MAD1L1: variants seen among roughly 807,000 people sequenced by gnomAD.
MAD1L1 encodes the protein mitotic spindle assembly checkpoint protein MAD1.
MAD1L1 carries 95 observed loss-of-function variants against 96.9 expected under a neutral mutation model. The ratio of observed to expected loss-of-function variants is 0.98; its 90% CI spans 0.83 to 1.16. The LOEUF (loss-of-function observed/expected upper bound fraction) is 1.16. Among genes scored for constraint, MAD1L1 ranks in the 50% most tolerant of loss-of-function variants. MAD1L1 has a pLI of 0.00. For synonymous variants in MAD1L1, 473 were observed against 396.6 expected, an observed-to-expected ratio of 1.19 and a Z score of -2.29; for missense variants, 1,007 against 954.4, an observed-to-expected ratio of 1.06 and a Z score of -0.73.
intron 14 of MAD1L1, among the ~76,000 whole-genome samples, chr7:1,988,216 C>A (rs909218362): frequency 6.6e-6 from 1 of 152,156 alleles, no homozygotes; most frequent in African/African-American, 2.4e-5. Flanking sequence ...CCTGACATGG[C>A]GGAGGGCCCA....
intron 17 of MAD1L1, among the ~76,000 whole-genome samples, chr7:1,923,050 C>A (rs1788888176): frequency 6.6e-6 from 1 of 152,106 alleles, no homozygotes; most frequent in Non-Finnish European, 1.5e-5. Flanking sequence ...GGAAGTGCTC[C>A]CTCTTCTGTT....
intron 11 of MAD1L1, among the ~76,000 whole-genome samples, chr7:2,131,964 C>A (rs953852051): frequency 6.6e-6 from 1 of 152,196 alleles, no homozygotes; most frequent in African/African-American, 2.4e-5. Context: ...AATGGAAAGG[C>A]TGGTGAAAGA....
chr7:1,934,477 G>A (rs912318135), intron 17 of MAD1L1, among the ~76,000 whole-genome samples: 2 of 151,324 alleles, frequency 1.3e-5, no homozygotes, highest in Non-Finnish European at 2.9e-5. Context: ...ACAAACACAC[G>A]AGCGAACCCT....
intron 15 of MAD1L1, among the ~76,000 whole-genome samples, chr7:1,961,442 C>A (rs1340509873): frequency 6.6e-6 from 1 of 152,134 alleles, no homozygotes; most frequent in African/African-American, 2.4e-5. Context: ...CAAACACAAC[C>A]AATTTTTGAA....
chr7:2,043,676 G>C (rs557558808), intron 12 of MAD1L1, among the ~76,000 whole-genome samples: 45 of 152,350 alleles, frequency 3.0e-4, no homozygotes, highest in African/African-American at 8.9e-4. Flanking sequence ...CTGAGCGCCT[G>C]TTTCCCACCA....
chr7:1,917,890 A>G (rs1183146285), intron 17 of MAD1L1, among the ~76,000 whole-genome samples: 2 of 152,188 alleles, frequency 1.3e-5, no homozygotes, highest in Non-Finnish European at 1.5e-5. Context: ...CCCCCAGAGC[A>G]GCAAAGAGAA....
intron 11 of MAD1L1, among the ~76,000 whole-genome samples, chr7:2,098,775 G>A (rs1182657084): frequency 6.6e-6 from 1 of 152,192 alleles, no homozygotes; most frequent in African/African-American, 2.4e-5. Flanking sequence ...CACACCACAG[G>A]GCTCACACCA....
At chr7:1,975,684 G>A (rs1780604543) in intron 15 of MAD1L1, among the ~76,000 whole-genome samples, 1 of 152,200 alleles carries the variant, frequency 6.6e-6, no homozygotes, top group African/African-American at 2.4e-5. Context: ...ACGTGGGCCT[G>A]GGCACTGGGT....
In MAD1L1 at chr7:2,103,836, G is replaced by A. The variant is rs78654399; in HGVS notation, c.1074-34498C>T. ...AGGGACAGTCTCACAGGTGGTGTCCGGACTCTGGAGATGGGGTGGGAAAAG... is the reference window on the plus strand; with the variant it reads ...AGGGACAGTCTCACAGGTGGTGTCCAGACTCTGGAGATGGGGTGGGAAAAG... On this transcript the variant is annotated intron_variant, in intron 11 of 18. Coordinates refer to ENST00000265854, the MANE Select transcript of MAD1L1 (RefSeq NM_001013836.2). This position sits in a 1 kb window ranked among gnomAD's most constrained non-coding sequence, Gnocchi z 4.3. 6.6e-4 allele frequency among the ~76,000 whole-genome samples: 101 copies of A among 152,318 alleles called. 4 individuals are homozygous for A. In the East Asian group the frequency reaches 0.017, roughly 25 times the overall value.
chr7:1,886,127 A>G (rs1468290659), intron 18 of MAD1L1, among the ~76,000 whole-genome samples: 1 of 152,192 alleles, frequency 6.6e-6, no homozygotes, highest in Non-Finnish European at 1.5e-5. Context: ...GCCCAGCAGC[A>G]CTGTGAGGGC....
chr7:1,970,436 T>C (rs1248482181), intron 15 of MAD1L1, among the ~76,000 whole-genome samples: 5 of 149,912 alleles, frequency 3.3e-5, no homozygotes, highest in Non-Finnish European at 7.4e-5. Context: ...CAGGTTCAAG[T>C]GATCCTCGTG....
At chr7:1,872,993 T>G (rs1463672486) in intron 18 of MAD1L1, among the ~76,000 whole-genome samples, 1 of 152,202 alleles carries the variant, frequency 6.6e-6, no homozygotes, top group South Asian at 2.1e-4. Context: ...AAATCCCACT[T>G]TGGGGACTTT....
chr7:1,890,974 GCT>G (rs1466118493), intron 18 of MAD1L1, among the ~76,000 whole-genome samples: 2 of 152,190 alleles, frequency 1.3e-5, no homozygotes, highest in African/African-American at 4.8e-5. Flanking sequence ...CCAGCAGCGG[GCT>G]CTGTGCGGGA....
intron 15 of MAD1L1, among the ~76,000 whole-genome samples, chr7:1,976,944 C>T (rs1282312201): frequency 1.3e-5 from 2 of 152,250 alleles, no homozygotes; most frequent in African/African-American, 2.4e-5. Flanking sequence ...GGTGCGTTTA[C>T]AAACCTTTAG....
intron 11 of MAD1L1, among the ~76,000 whole-genome samples, chr7:2,072,451 C>T (rs1323429552): frequency 5.3e-5 from 8 of 152,192 alleles, no homozygotes; most frequent in Non-Finnish European, 1.2e-4. Flanking sequence ...TAACCAAAAA[C>T]GCAAGACAAA....
intron 13 of MAD1L1, among the ~76,000 whole-genome samples, chr7:2,002,527 C>T (rs1781844176): frequency 6.6e-6 from 1 of 152,170 alleles, no homozygotes; most frequent in Admixed American, 6.5e-5. Flanking sequence ...CCCTGGCAGG[C>T]TCGTGCTTAA....
intron 12 of MAD1L1, among the ~76,000 whole-genome samples, chr7:2,061,976 C>CA (rs1465877537): frequency 6.6e-6 from 1 of 152,204 alleles, no homozygotes; most frequent in Non-Finnish European, 1.5e-5. Context: ...CGCAGTGGCT[C>CA]ACGCCTGTAA....
At chr7:1,848,797 C>T (rs1296478319) in intron 18 of MAD1L1, 1 of 154,402 alleles carries the variant, frequency 6.5e-6, no homozygotes, top group Non-Finnish European at 1.5e-5. Context: ...CTGTGCTGCC[C>T]ACAGCATCCC....
chr7:1,957,975 A>T (rs533929626), intron 15 of MAD1L1, among the ~76,000 whole-genome samples: 35 of 152,308 alleles, frequency 2.3e-4, no homozygotes, highest in African/African-American at 8.2e-4. Context: ...GTCTCTGTCG[A>T]CCACACCTTG....
Sources: allele counts gnomAD v4.1 joint callset (sites outside exome capture counted in the v4.1 genomes callset), GRCh38; gene constraint gnomAD v4.1.1; non-coding constraint Gnocchi (gnomAD v3.1); transcripts MANE v1.5; gene names NCBI Gene and HGNC (gene_info 2026-07-23, HGNC 2026-07-21).